Variants in CLCN1 observed in about 807,000 individuals in gnomAD.
The protein encoded by CLCN1 is chloride channel protein 1.
Under a neutral mutation model 114.5 loss-of-function variants are expected in CLCN1, and 100 were observed. The observed-to-expected ratio is 0.87, with a 90% CI of 0.74 to 1.03. CLCN1 has a LOEUF of 1.03. Ranked by LOEUF, CLCN1 falls within the 50% of genes least tolerant of loss-of-function variation. CLCN1 has a pLI of 0.00. For missense variants in CLCN1, 1,188 were observed against 1,250.0 expected (o/e 0.95, Z 0.75); for synonymous variants, 485 against 487.1 (o/e 1.00, Z 0.06).
At position 143,336,635 on chromosome 7, in the gene CLCN1, GAAAA is replaced by G. The variant is rs201150297; in HGVS notation, c.1402-2612_1402-2609del. 9.3e-3 allele frequency among the ~76,000 whole-genome samples: 997 copies of G among 107,232 alleles called. 3 individuals are homozygous for G. The highest frequency in any genetic ancestry group is 0.014 in the Middle Eastern group (3 of 214). 70.3% of individuals were successfully genotyped at this position (107,232 alleles called of 152,430 possible). A position where few individuals can be genotyped will look rare whatever the true frequency, so the allele number is the denominator to read the frequency against. On this transcript the variant is annotated intron_variant, in intron 12 of 22. Coordinates refer to ENST00000343257, the MANE Select transcript of CLCN1 (RefSeq NM_000083.3). ...AAAAAAAAAAAAAAAAGAAGAAGAAGAAAAAAAAAGGAAGGAAGGAAGGGAAAGA... is the reference window on the plus strand; with the variant it reads ...AAAAAAAAAAAAAAAAGAAGAAGAAGAAAAAGGAAGGAAGGAAGGGAAAGA...
Position 143,320,785 on chromosome 7 carries a change from A to C in CLCN1, c.423A>C (p.Lys141Asn), listed in dbSNP as rs761111883. The C allele has an allele frequency of 2.5e-6, 4 of 1,614,022 alleles. No homozygotes were observed. The highest frequency in any genetic ancestry group is 3.4e-6 in the Non-Finnish European group (4 of 1,179,994). The change falls in exon 3 of 23, where the codon AAA (lysine) becomes AAC (asparagine). Residue 141 changes from lysine to asparagine, a missense_variant. Physicochemically the swap from Lys to Asn is moderately conservative, Grantham distance 94. Coordinates refer to ENST00000343257, the MANE Select transcript of CLCN1 (RefSeq NM_000083.3). ...GGAGCATGGACTACGTCAGTGCCAA[A>C]AGCCTTCAGGGTAGGTTTAACCTGG... ...VSWSMDYVSA[K>N]SLQAYKWSYA...
chr7:143,341,777 A>T, intron 14 of CLCN1, 152 bp from the exon 15 acceptor site: 1 of 703,736 alleles, frequency 1.4e-6, no homozygotes, highest in South Asian at 1.5e-5. Context: ...AGAGTTCAGT[A>T]TTCTATTCCC....
chr7:143,325,373 C>G (rs1802549354), intron 7 of CLCN1, among the ~76,000 whole-genome samples: 2 of 152,200 alleles, frequency 1.3e-5, no homozygotes, highest in Admixed American at 6.5e-5. Context: ...ACTAAAATGA[C>G]TTGGTGCAGG....
In CLCN1 at chr7:143,316,319, C is replaced by T; in HGVS notation, c.107C>T (p.Pro36Leu). Residue 36 changes from proline to leucine, a missense_variant, in exon 1 of 23, where the codon CCC (proline) becomes CTC (leucine). Pro to Leu is a moderately conservative substitution (Grantham distance 98, BLOSUM62 -3). Coordinates refer to ENST00000343257, the MANE Select transcript of CLCN1 (RefSeq NM_000083.3). ...GAACACTGCACCAGCTACGGACTGC[C>T]CTCTGAGAATGGGGGCCTCCAGCAC... The part of the protein sequence containing the change: ...PFEHCTSYGL[P>L]SENGGLQHRL... 1 of 1,613,608 alleles carries T rather than the reference C, an allele frequency of 6.2e-7. No homozygotes were observed. The highest frequency in any genetic ancestry group is 1.1e-5 in the South Asian group (1 of 91,080).
At chr7:143,322,393 A>G (rs937833877) in intron 5 of CLCN1, among the ~76,000 whole-genome samples, 1 of 152,152 alleles carries the variant, frequency 6.6e-6, no homozygotes. Flanking sequence ...GCTGGTGTTC[A>G]TCTTTGCCCC....
rs148834637 is a variant in CLCN1, at chr7:143,332,905, C to T, written c.1401+32C>T. 1.9e-6 allele frequency: 3 copies of T among 1,611,920 alleles called. No individual in the cohort carries two copies. The African/African-American group carries it at 4.0e-5, about 22-fold the overall frequency. On this transcript the variant is annotated intron_variant, in intron 12 of 22. Coordinates refer to ENST00000343257, the MANE Select transcript of CLCN1 (RefSeq NM_000083.3). Reference sequence around the variant, plus strand: ...CTCCTGACACTAGCAACACCCTAAACCTCCATCTGTTTTCAATCTATGAAC... The same window carrying T: ...CTCCTGACACTAGCAACACCCTAAATCTCCATCTGTTTTCAATCTATGAAC...
At chr7:143,331,356 G>T in intron 9 of CLCN1, 40 bp downstream of exon 9, 1 of 1,436,278 alleles carries the variant, frequency 7.0e-7, no homozygotes, top group Non-Finnish European at 9.8e-7. Context: ...TGAGCAGGGT[G>T]TGGAGTGAGG....
Position 143,339,548 on chromosome 7 carries a change from C to T in CLCN1, c.1509C>T (p.Ala503=), listed in dbSNP as rs773897887. The T allele has an allele frequency of 1.2e-6, 2 of 1,613,912 alleles. No homozygotes were observed. Among genetic ancestry groups the T allele is most frequent in the Non-Finnish European group, 1.7e-6 (2 of 1,179,850 alleles). ...GAAGGCTGGTAGGAGAAATCATGGC[C>T]ATGCTCTTTCCTGATGGTATTTTGT... ...AFGRLVGEIM[A]MLFPDGILFD... is the part of the protein sequence containing the mutation. Residue 503 remains alanine, a synonymous_variant, in exon 14 of 23, where the codon GCC becomes GCT. Transcript: ENST00000343257. This position sits in a 1 kb window ranked among gnomAD's most constrained non-coding sequence, Gnocchi z 4.1.
intron 7 of CLCN1, 114 bp from the exon 8 acceptor site, chr7:143,330,658 T>A: frequency 7.2e-7 from 1 of 1,381,846 alleles, no homozygotes. Context: ...TTTCCACTAC[T>A]GCTTCCACCC....
Position 143,332,719 on chromosome 7 carries a change from C to T in CLCN1, c.1252-5C>T. 6 of 1,613,952 alleles carry T rather than the reference C, an allele frequency of 3.7e-6. No homozygotes were observed. Among genetic ancestry groups the T allele is most frequent in the South Asian group, 3.3e-5 (3 of 91,074 alleles). On this transcript the variant is annotated splice_region_variant and splice_polypyrimidine_tract_variant and intron_variant, in intron 11 of 22. Transcript: ENST00000343257. ...ACCCACCCTTTCTGCTTCTTCCTCTCCCAGTTGATGCCCCGCGAAGCCATC... is the reference window on the plus strand; with the variant it reads ...ACCCACCCTTTCTGCTTCTTCCTCTTCCAGTTGATGCCCCGCGAAGCCATC...
Position 143,321,505 on chromosome 7 carries a change from C to T in CLCN1, c.562+12C>T, listed in dbSNP as rs1802432903. 3 of 1,613,900 alleles carry T rather than the reference C, an allele frequency of 1.9e-6. No individual in the cohort carries two copies. In the South Asian group the frequency reaches 3.3e-5, roughly 18 times the overall value. On this transcript the variant is annotated intron_variant, in intron 4 of 22. Coordinates refer to ENST00000343257, the MANE Select transcript of CLCN1 (RefSeq NM_000083.3). This position sits in a 1 kb window ranked among gnomAD's most constrained non-coding sequence, Gnocchi z 4.2. ...TCCCCAGGCTGTTGGTGAGAACTTG[C>T]CACCAGACTCGGCCTGAGCTGGGTG...
chr7:143,329,407 A>G (rs551973946), intron 7 of CLCN1, among the ~76,000 whole-genome samples: 157 of 152,266 alleles, frequency 1.0e-3, no homozygotes, highest in Non-Finnish European at 1.7e-3. Context: ...AGGATTGGGG[A>G]TGGCTTCCCA....
chr7:143,345,770 C>A lies in CLCN1; in HGVS notation c.2172+8C>A. On this transcript the variant is annotated splice_region_variant and intron_variant, in intron 17 of 22. Coordinates refer to ENST00000343257, the MANE Select transcript of CLCN1 (RefSeq NM_000083.3). ...CTCTCTGGCAAGAGCGAGGTGACCG[C>A]GCCGGGAAGGGCTAGGGAGTGGGAT... 6.2e-7 allele frequency: 1 copy of A among 1,602,794 alleles called. No individual in the cohort carries two copies.
rs765398390 is a variant in CLCN1 at position 143,324,535 on chromosome 7, C to T, written c.853+43C>T. The T allele has an allele frequency of 6.8e-6, 10 of 1,473,918 alleles. No individual in the cohort carries two copies. In the Admixed American group the frequency reaches 1.7e-4, roughly 25 times the overall value. 91.3% of individuals were successfully genotyped at this position (1,473,918 alleles called of 1,614,324 possible). On this transcript the variant is annotated intron_variant, in intron 7 of 22. Transcript: ENST00000343257. The surrounding 1 kb of genome is among the most constrained non-coding windows in gnomAD (Gnocchi z 4.6). Reference sequence around the variant, plus strand: ...TCCCCCATCAATCGGCTTGCCTGGCCTGGCTCCCAAAACAGTTTTAATCAG... The same window carrying T: ...TCCCCCATCAATCGGCTTGCCTGGCTTGGCTCCCAAAACAGTTTTAATCAG...
chr7:143,336,636 A>C (rs557337488), intron 12 of CLCN1, among the ~76,000 whole-genome samples: 25 of 112,546 alleles, frequency 2.2e-4, no homozygotes, highest in Non-Finnish European at 3.7e-4. Context: ...GAAGAAGAAG[A>C]AAAAAAAAGG....
At chr7:143,333,220 G>A (rs542871052) in intron 12 of CLCN1, among the ~76,000 whole-genome samples, 12 of 152,038 alleles carry the variant, frequency 7.9e-5, no homozygotes, top group Non-Finnish European at 1.5e-4. Context: ...AGAATCACTT[G>A]AACCTGGGAA....
chr7:143,350,572 A>T lies in CLCN1; in HGVS notation c.2513A>T (p.His838Leu), dbSNP rs755519008. The T allele has an allele frequency of 1.2e-6, 2 of 1,613,970 alleles. No individual in the cohort carries two copies. Among genetic ancestry groups the T allele is most frequent in the Non-Finnish European group, 1.7e-6 (2 of 1,179,992 alleles). ...LVEQTTLHKT[H>L]TLFSLLGLHL... ...ACCTGTGCTCTTCATCCTCAGACTC[A>T]TACCCTGTTTTCACTCCTTGGCCTC... The change falls in exon 22 of 23, where the codon CAT (histidine) becomes CTT (leucine). Residue 838 changes from histidine (H) to leucine (L), a missense_variant. Physicochemically the swap from His to Leu is moderately conservative, Grantham distance 99. Transcript: ENST00000343257. This position sits in a 1 kb window ranked among gnomAD's most constrained non-coding sequence, Gnocchi z 5.1.
intron 12 of CLCN1, 52 bp downstream of exon 12, chr7:143,332,925 A>G (rs1397347291): frequency 7.5e-6 from 12 of 1,593,808 alleles, no homozygotes; most frequent in African/African-American, 1.3e-5. Flanking sequence ...TTTTCAATCT[A>G]TGAACCCAGG....
At position 143,346,866 on chromosome 7, in the gene CLCN1, G is replaced by A. The variant is rs757952290; in HGVS notation, c.2365-45G>A. On this transcript the variant is annotated intron_variant, in intron 19 of 22. Transcript: ENST00000343257. ...TTTCATTGGGAGCCATAGCTACCATGGGAAGAAAAGGGAAAGAACTTGGAC... is the reference window on the plus strand; with the variant it reads ...TTTCATTGGGAGCCATAGCTACCATAGGAAGAAAAGGGAAAGAACTTGGAC... 5.7e-6 allele frequency: 9 copies of A among 1,585,060 alleles called. No homozygotes were observed. In the Admixed American group the frequency reaches 1.3e-4, roughly 23 times the overall value.
Sources: gnomAD v4.1 joint callset for allele counts (sites outside exome capture counted in the v4.1 genomes callset) on GRCh38, gnomAD v4.1.1 for gene constraint, Gnocchi (gnomAD v3.1) non-coding constraint, MANE v1.5 for transcripts, NCBI Gene and HGNC (gene_info 2026-07-23, HGNC 2026-07-21) for gene names.